VGLL4: variants seen among roughly 807,000 people sequenced by gnomAD.
VGLL4 encodes the protein vestigial like family member 4, also known as transcription cofactor vestigial-like protein 4.
VGLL4 carries 7 observed loss-of-function variants against 21.0 expected under a neutral mutation model. The observed-to-expected ratio is 0.33, with a 90% confidence interval of 0.19 to 0.63. VGLL4 has a LOEUF of 0.63. VGLL4 is among the 20% of genes least tolerant of loss of function. The pLI, the probability that VGLL4 is intolerant of heterozygous loss-of-function variation, is 0.78. For missense variants in VGLL4, 394 were observed against 425.7 expected, an observed-to-expected ratio of 0.93 and a Z score of 0.66; for synonymous variants, 222 against 173.2, an observed-to-expected ratio of 1.28 and a Z score of -2.21.
chr3:11,573,288 AAAG>A (rs2073882090), intron 2 of VGLL4, among the ~76,000 whole-genome samples: 1 of 11,688 alleles, frequency 8.6e-5, no homozygotes, highest in Non-Finnish European at 1.4e-4. Context: ...AGAAAGAAAG[AAAG>A]AAAGAAAGAA....
chr3:11,578,902 A>T (rs1400724096), intron 2 of VGLL4, among the ~76,000 whole-genome samples: 1 of 151,848 alleles, frequency 6.6e-6, no homozygotes, highest in Non-Finnish European at 1.5e-5. Flanking sequence ...AGCGCCCGCC[A>T]CCACGCCCGG....
At chr3:11,598,666 T>A (rs1476408617) in intron 2 of VGLL4, among the ~76,000 whole-genome samples, 2 of 151,946 alleles carry the variant, frequency 1.3e-5, no homozygotes, top group South Asian at 2.1e-4. Context: ...ATTTTTAAAA[T>A]TTTTTGTAGA....
At chr3:11,714,568 A>T (rs138620373) in intron 1 of VGLL4, among the ~76,000 whole-genome samples, 2 of 147,456 alleles carry the variant, frequency 1.4e-5, no homozygotes, top group Non-Finnish European at 2.9e-5. Context: ...AAATAAAAAT[A>T]CAAAAAAAAA....
upstream of VGLL4, among the ~76,000 whole-genome samples, chr3:11,646,093 T>C (rs867763621): frequency 2.0e-4 from 30 of 152,344 alleles, no homozygotes; most frequent in African/African-American, 6.7e-4. Context: ...GGAATCAAGA[T>C]TTCACAAGCT....
At chr3:11,713,044 C>A (rs1452330262) in intron 1 of VGLL4, among the ~76,000 whole-genome samples, 1 of 152,140 alleles carries the variant, frequency 6.6e-6, no homozygotes, top group African/African-American at 2.4e-5. Flanking sequence ...TCTGGGGCCA[C>A]AGCCACAGAG....
intron 1 of VGLL4, among the ~76,000 whole-genome samples, chr3:11,640,202 T>A (rs1403141030): frequency 6.6e-6 from 1 of 152,142 alleles, no homozygotes; most frequent in Non-Finnish European, 1.5e-5. Flanking sequence ...TCAGCCTTCA[T>A]TCTAAACCAC....
At chr3:11,684,730 C>CTGTGTGTGTGTGTG (rs61220485) in intron 2 of VGLL4, among the ~76,000 whole-genome samples, 3,428 of 148,740 alleles carry the variant, frequency 0.023, 56 homozygotes, top group Middle Eastern at 0.068. Flanking sequence ...CAACCTTTTT[C>CTGTGTGTGTGTGTG]TGTGTGTGTG....
At chr3:11,655,766 C>A (rs1257799488) in intron 2 of VGLL4, among the ~76,000 whole-genome samples, 1 of 152,150 alleles carries the variant, frequency 6.6e-6, no homozygotes, top group Non-Finnish European at 1.5e-5. Flanking sequence ...TTTCTAGTGA[C>A]TCGTCTCACT....
rs55837849 is a variant in VGLL4 at position 11,619,569 on chromosome 3, C to G, written c.83-17547G>C. Among the ~76,000 whole-genome samples the G allele has an allele frequency of 3.7e-3, 562 of 152,244 alleles. 3 individuals are homozygous for G. The highest frequency in any genetic ancestry group is 0.013 in the African/African-American group (525 of 41,536). ...CAGTCTCACTTCCCTGGTGGGCTAA[C>G]GCAGAACACTTGGTGTGTTGACGCG... is the stretch of plus-strand genomic sequence containing the variant. On this transcript the variant is annotated intron_variant, in intron 1 of 4. Coordinates refer to ENST00000430365, the MANE Select transcript of VGLL4 (RefSeq NM_001128219.3).
chr3:11,667,665 G>A lies in VGLL4; in HGVS notation c.64+35306C>T, dbSNP rs116696475. Among the ~76,000 whole-genome samples, 355 of 152,066 alleles carry A rather than the reference G, an allele frequency of 2.3e-3. 1 individual carries two copies. Among genetic ancestry groups the A allele is most frequent in the African/African-American group, 8.3e-3 (346 of 41,492 alleles). ...ACATGTGTAGAAGACCATGGAAAGC[G>A]ACCAAACATCAAAGCCATCTCATTA... On this transcript the variant is annotated intron_variant, in intron 2 of 5. Transcript: ENST00000273038.
chr3:11,636,513 C>T (rs192455164), intron 1 of VGLL4, among the ~76,000 whole-genome samples: 147 of 152,290 alleles, frequency 9.7e-4, no homozygotes, highest in South Asian at 5.4e-3. Flanking sequence ...TGTTTGGATA[C>T]TGGAGCAATT....
At chr3:11,675,614 A>C (rs1338477548) in intron 2 of VGLL4, among the ~76,000 whole-genome samples, 1 of 152,210 alleles carries the variant, frequency 6.6e-6, no homozygotes, top group African/African-American at 2.4e-5. Flanking sequence ...ACCTTTACAG[A>C]AGCTCACCTT....
chr3:11,696,153 G>GA (rs940574025), intron 2 of VGLL4, among the ~76,000 whole-genome samples: 21 of 152,218 alleles, frequency 1.4e-4, no homozygotes, highest in African/African-American at 4.3e-4. Context: ...CTCACTAAGG[G>GA]AAAACCAGAC....
chr3:11,557,549 C>T lies in VGLL4; in HGVS notation c.*1007G>A, dbSNP rs2072557360. On this transcript the variant is annotated 3_prime_UTR_variant, in exon 5 of 5. Transcript: ENST00000430365. ...TCGCGAGGGCCTGCCAGGAGCTGGC[C>T]TCCCGCACTACTTGTGAGTAAAGTG... 1 of 152,532 alleles carries T rather than the reference C, an allele frequency of 6.6e-6. No individual in the cohort carries two copies. The highest frequency in any genetic ancestry group is 1.5e-5 in the Non-Finnish European group (1 of 68,040). The allele number at this position is 152,532 out of a possible 1,614,324, so 9.4% of individuals were successfully genotyped here.
Position 11,703,196 on chromosome 3 carries a change from G to A in VGLL4, c.-13-149C>T, listed in dbSNP as rs868004069. 27 of 693,842 alleles carry A rather than the reference G, an allele frequency of 3.9e-5. No homozygotes were observed. The African/African-American group carries it at 4.4e-4, about 11-fold the overall frequency. The allele number at this position is 693,842 out of a possible 1,614,324, so 43.0% of individuals were successfully genotyped here. The stretch of plus-strand genomic sequence containing the variant: ...CTTCCCACATGAGGAAACAGAATGG[G>A]CTTGGTTCAGGGAGAGAGAAAAGGG... On this transcript the variant is annotated intron_variant, in intron 1 of 5. Coordinates refer to the VGLL4 transcript ENST00000273038.
intron 2 of VGLL4, among the ~76,000 whole-genome samples, chr3:11,597,651 C>T (rs2074678618): frequency 6.8e-6 from 1 of 147,714 alleles, no homozygotes; most frequent in South Asian, 2.2e-4. Flanking sequence ...TTGCTCCTCC[C>T]AAGTTCCTAT....
In VGLL4 at chr3:11,558,771, T is replaced by C. The variant is rs2072673988; in HGVS notation, c.676A>G (p.Asn226Asp). The C allele has an allele frequency of 6.2e-7, 1 of 1,614,058 alleles. No homozygotes were observed. The change falls in exon 5 of 5, where the codon AAT becomes GAT. Residue 226 changes from asparagine to aspartate, a missense_variant. Transcript: ENST00000430365. ...EEHFRRSLGK[N>D]YKEPEPAPNS... ...GGTGCCGGCTCGGGCTCCTTGTAAT[T>C]CTTGCCCAGGCTCCTGCGGAAATGC...
rs1204769955 is a variant in VGLL4 at position 11,604,628 on chromosome 3, T to G, written c.83-2606A>C. The G allele has an allele frequency of 1.2e-5, 9 of 756,912 alleles. No individual in the cohort carries two copies. In the African/African-American group the frequency reaches 1.6e-4, roughly 13 times the overall value. The allele number at this position is 756,912 out of a possible 1,614,324, so 46.9% of individuals were successfully genotyped here. On this transcript the variant is annotated intron_variant, in intron 1 of 4. Coordinates refer to ENST00000430365, the MANE Select transcript of VGLL4 (RefSeq NM_001128219.3). ...ACATTTGTTCTGGGAGATAAGACAC[T>G]TGCATTGCAATCTTGACTCCTCCTT...
chr3:11,702,800 G>T, intron 2 of VGLL4: 1 of 413,288 alleles, frequency 2.4e-6, no homozygotes, highest in Non-Finnish European at 4.2e-6. Flanking sequence ...AGACTTACAT[G>T]TTCTTGAAAA....
Sources: allele counts gnomAD v4.1 joint callset (sites outside exome capture counted in the v4.1 genomes callset), GRCh38; gene constraint gnomAD v4.1.1; transcripts MANE v1.5; gene names NCBI Gene and HGNC (gene_info 2026-07-23, HGNC 2026-07-21).